ZDHHC20: variants seen among roughly 807,000 people sequenced by gnomAD.
ZDHHC20 encodes zDHHC palmitoyltransferase 20, also known as palmitoyltransferase ZDHHC20.
A neutral mutation model predicts 57.8 loss-of-function variants in ZDHHC20; 43 were observed. The ratio of observed to expected loss-of-function variants is 0.74; its 90% CI spans 0.58 to 0.96. ZDHHC20 has a LOEUF of 0.96. Among genes scored for constraint, ZDHHC20 ranks in the 40% least tolerant of loss-of-function variants. ZDHHC20 has a pLI of 0.00. For missense variants in ZDHHC20, 391 were observed against 441.1 expected, an observed-to-expected ratio of 0.89 and a Z score of 1.02; for synonymous variants, 157 against 153.0, an observed-to-expected ratio of 1.03 and a Z score of -0.19.
intron 1 of ZDHHC20, among the ~76,000 whole-genome samples, chr13:21,426,601 CCTT>C (rs1385886156): frequency 1.4e-5 from 2 of 143,676 alleles, no homozygotes; most frequent in African/African-American, 2.6e-5. Flanking sequence ...CTTTTTTTCT[CCTT>C]TTCTTTTTTT....
chr13:21,380,050 C>T (rs917713084), intron 11 of ZDHHC20, among the ~76,000 whole-genome samples: 3 of 151,312 alleles, frequency 2.0e-5, no homozygotes, highest in Non-Finnish European at 4.4e-5. Flanking sequence ...CTCGTGACCT[C>T]GTGATCCGCC....
chr13:21,376,692 AT>A, intron 12 of ZDHHC20, 37 bp from the exon 13 acceptor site: 1 of 1,315,296 alleles, frequency 7.6e-7, no homozygotes, highest in Non-Finnish European at 1.0e-6. Context: ...TTAAAACTTG[AT>A]TTTTTATTTC....
chr13:21,448,481 G>A (rs1189765736), intron 1 of ZDHHC20, among the ~76,000 whole-genome samples: 3 of 46,222 alleles, frequency 6.5e-5, no homozygotes, highest in Non-Finnish European at 1.6e-4. Context: ...GGTCAGCCCC[G>A]CCGCCCGGCC....
At chr13:21,389,697 GAC>G (rs1410222315) in intron 8 of ZDHHC20, among the ~76,000 whole-genome samples, 17 of 152,158 alleles carry the variant, frequency 1.1e-4, no homozygotes, top group Non-Finnish European at 1.8e-4. Flanking sequence ...TGCAGCAAAT[GAC>G]AGTGTCCACA....
At chr13:21,436,479 T>C (rs1384381910) in intron 1 of ZDHHC20, among the ~76,000 whole-genome samples, 1 of 152,212 alleles carries the variant, frequency 6.6e-6, no homozygotes, top group Non-Finnish European at 1.5e-5. Context: ...TCTCACAGTA[T>C]TTCAACCTTT....
At chr13:21,454,951 C>T (rs1424840143) in intron 1 of ZDHHC20, among the ~76,000 whole-genome samples, 3 of 151,774 alleles carry the variant, frequency 2.0e-5, no homozygotes, top group Non-Finnish European at 4.4e-5. Context: ...GACAGAGTCT[C>T]GCTCTGTCGC....
At chr13:21,399,754 G>A (rs923203841) in intron 7 of ZDHHC20, among the ~76,000 whole-genome samples, 1 of 152,006 alleles carries the variant, frequency 6.6e-6, no homozygotes, top group Non-Finnish European at 1.5e-5. Context: ...AGAAACGGCA[G>A]CATACTATAT....
intron 4 of ZDHHC20, among the ~76,000 whole-genome samples, chr13:21,409,293 A>G (rs2137838339): frequency 1.3e-5 from 2 of 152,262 alleles, no homozygotes; most frequent in South Asian, 4.1e-4. Context: ...AGAACTTGTT[A>G]TTGGTCAATT....
At chr13:21,393,960 T>C (rs1009893159) in intron 7 of ZDHHC20, among the ~76,000 whole-genome samples, 1 of 152,186 alleles carries the variant, frequency 6.6e-6, no homozygotes, top group African/African-American at 2.4e-5. Context: ...TCTGATGACT[T>C]CTAACCACCT....
chr13:21,401,630 T>G (rs1349117837), intron 6 of ZDHHC20, 23 bp downstream of exon 6: 1 of 1,530,866 alleles, frequency 6.5e-7, no homozygotes, highest in Admixed American at 2.2e-5. Flanking sequence ...CCAATGCAAT[T>G]TCTTCTGTTT....
rs949653917 is a variant in ZDHHC20, at chr13:21,373,639, T to C, written c.*3057A>G. ...TCTCCTAATTTGTCTGTAATGGCAATGGCAAGACCTGAACTTCAACTTTAT... is the reference window on the plus strand; with the variant it reads ...TCTCCTAATTTGTCTGTAATGGCAACGGCAAGACCTGAACTTCAACTTTAT... On this transcript the variant is annotated 3_prime_UTR_variant, in exon 13 of 13. Coordinates refer to ENST00000400590, the MANE Select transcript of ZDHHC20 (RefSeq NM_001330059.2). 13 of 152,246 alleles carry C rather than the reference T, an allele frequency of 8.5e-5. No homozygotes were observed. The highest frequency in any genetic ancestry group is 1.9e-4 in the Non-Finnish European group (13 of 68,040). The allele number at this position is 152,246 out of a possible 1,614,324, so 9.4% of individuals were successfully genotyped here. A position where few individuals can be genotyped will look rare whatever the true frequency, so the allele number is the denominator to read the frequency against.
intron 12 of ZDHHC20, chr13:21,377,714 C>T (rs1030742096): frequency 5.5e-6 from 1 of 181,564 alleles, no homozygotes; most frequent in East Asian, 1.9e-4. Context: ...GTCTTAGGCT[C>T]TGGCTGCAGC....
chr13:21,414,991 A>G (rs1487130237), intron 3 of ZDHHC20, among the ~76,000 whole-genome samples: 20 of 152,126 alleles, frequency 1.3e-4, no homozygotes. Flanking sequence ...GGTTCTGCTT[A>G]AAAAGCCCTA....
intron 1 of ZDHHC20, among the ~76,000 whole-genome samples, chr13:21,447,403 C>T (rs1436933612): frequency 7.4e-5 from 11 of 149,580 alleles, no homozygotes; most frequent in Non-Finnish European, 1.6e-4. Context: ...CCTGATTCTC[C>T]TGCCTCAGCC....
rs1871796447 is a variant in ZDHHC20 at position 21,374,867 on chromosome 13, C to T, written c.*1829G>A. 3.2e-6 allele frequency: 1 copy of T among 311,810 alleles called. No homozygotes were observed. The highest frequency in any genetic ancestry group is 2.7e-5 in the South Asian group (1 of 37,056). The allele number at this position is 311,810 out of a possible 1,614,324, so 19.3% of individuals were successfully genotyped here. ...AATTTACCGGGGCGGGGCGTGGTGG[C>T]TCACGCCTGTAATCCCAGCACTTTG... On this transcript the variant is annotated 3_prime_UTR_variant, in exon 13 of 13. Coordinates refer to ENST00000400590, the MANE Select transcript of ZDHHC20 (RefSeq NM_001330059.2).
intron 1 of ZDHHC20, among the ~76,000 whole-genome samples, chr13:21,441,990 T>C (rs1883220990): frequency 6.6e-6 from 1 of 152,222 alleles, no homozygotes; most frequent in Non-Finnish European, 1.5e-5. Context: ...ATTCCTGGTT[T>C]TATAGTGGAA....
chr13:21,436,719 A>G (rs1011063508), intron 1 of ZDHHC20, among the ~76,000 whole-genome samples: 4 of 152,196 alleles, frequency 2.6e-5, no homozygotes, highest in African/African-American at 9.7e-5. Flanking sequence ...TAATAATCCT[A>G]CAATGGCCTC....
Position 21,382,928 on chromosome 13 carries a change from A to G in ZDHHC20, c.936T>C (p.Tyr312=), listed in dbSNP as rs775500832. The part of the protein sequence containing the change: ...EQASVTNQNE[Y]ARSSGSNQPF... ...AAGGACAATAAGCATACCTTCTGGC[A>G]TACTCATTCTGGTTTGTAACAGAAG... The change falls in exon 10 of 13, where the codon TAT becomes TAC. Residue 312 remains tyrosine, a synonymous_variant. Transcript: ENST00000400590. 1.7e-5 allele frequency: 27 copies of G among 1,558,694 alleles called. No homozygotes were observed. The highest frequency in any genetic ancestry group is 2.3e-5 in the Non-Finnish European group (27 of 1,150,328).
chr13:21,376,733 C>T, intron 12 of ZDHHC20, 78 bp from the exon 13 acceptor site: 1 of 913,524 alleles, frequency 1.1e-6, no homozygotes. Flanking sequence ...GTTCTGTGGG[C>T]TAAGGTACAA....
Sources: gnomAD v4.1 joint callset for allele counts (sites outside exome capture counted in the v4.1 genomes callset) on GRCh38, gnomAD v4.1.1 for gene constraint, MANE v1.5 for transcripts, NCBI Gene and HGNC (gene_info 2026-07-23, HGNC 2026-07-21) for gene names.